Variants in PPP2R2D observed in about 807,000 individuals in gnomAD.
PPP2R2D encodes the protein serine/threonine-protein phosphatase 2A 55 kDa regulatory subunit B delta isoform.
PPP2R2D carries 9 observed loss-of-function variants against 31.1 expected under a neutral mutation model. The ratio of observed to expected loss-of-function variants is 0.29; its 90% CI spans 0.17 to 0.51. The LOEUF (loss-of-function observed/expected upper bound fraction) is 0.51. Among genes scored for constraint, PPP2R2D ranks in the 20% least tolerant of loss-of-function variants. The probability of loss-of-function intolerance (pLI) is 0.98; values close to 1 mark genes in which losing one functional copy is unlikely to be tolerated. For synonymous variants in PPP2R2D, 179 were observed against 172.6 expected, an observed-to-expected ratio of 1.04 and a Z score of -0.29; for missense variants, 391 against 465.6, an observed-to-expected ratio of 0.84 and a Z score of 1.48.
chr10:131,924,935 T>C (rs1388108418), intron 2 of PPP2R2D, among the ~76,000 whole-genome samples: 2 of 152,172 alleles, frequency 1.3e-5, no homozygotes, highest in African/African-American at 4.8e-5. Flanking sequence ...ACAGAGTTGT[T>C]TTCTTGCTTT....
rs571083510 is a variant in PPP2R2D at position 131,935,440 on chromosome 10, C to T, written c.198+885C>T. Among the ~76,000 whole-genome samples, 6 of 152,278 alleles carry T rather than the reference C, an allele frequency of 3.9e-5. No homozygotes were observed. In the South Asian group the frequency reaches 1.2e-3, roughly 32 times the overall value. Reference sequence around the variant, plus strand: ...GAACTTTGGTTTAGAGGTTGGTGGGCCCTGGTTCCCCTCTCTGCAGATCTG... The same window carrying T: ...GAACTTTGGTTTAGAGGTTGGTGGGTCCTGGTTCCCCTCTCTGCAGATCTG... On this transcript the variant is annotated intron_variant, in intron 3 of 8. Transcript: ENST00000455566.
intron 5 of PPP2R2D, among the ~76,000 whole-genome samples, chr10:131,942,234 T>C (rs1554897344): frequency 8.5e-5 from 13 of 152,330 alleles, no homozygotes; most frequent in Admixed American, 7.8e-4. Context: ...TCAGCTCACG[T>C]GCTCATTTTG....
intron 2 of PPP2R2D, among the ~76,000 whole-genome samples, chr10:131,921,686 G>C (rs561227818): frequency 1.3e-5 from 2 of 152,302 alleles, no homozygotes; most frequent in African/African-American, 4.8e-5. Context: ...GCAGTGTGCG[G>C]AGGTGGGCTG....
At chr10:131,964,664 A>ATTTTTTTTTTTTT (rs782297365), downstream of PPP2R2D, among the ~76,000 whole-genome samples, 1 of 126,752 alleles carries the variant, frequency 7.9e-6, no homozygotes, top group African/African-American at 3.1e-5. Context: ...AGAGTTTACT[A>ATTTTTTTTTTTTT]TGTTTTTTTT....
At chr10:131,923,734 G>A (rs1397488608) in intron 2 of PPP2R2D, among the ~76,000 whole-genome samples, 5 of 152,062 alleles carry the variant, frequency 3.3e-5, no homozygotes, top group Middle Eastern at 3.4e-3. Flanking sequence ...TATATTTTTG[G>A]AAAATTACAT....
chr10:131,924,295 T>C (rs1554894632), intron 2 of PPP2R2D, among the ~76,000 whole-genome samples: 1 of 152,152 alleles, frequency 6.6e-6, no homozygotes, highest in African/African-American at 2.4e-5. Flanking sequence ...CTCTGATCCA[T>C]GTTTATATAT....
chr10:131,957,723 TC>T lies in PPP2R2D; in HGVS notation c.*1765del, dbSNP rs1554900337. On this transcript the variant is annotated 3_prime_UTR_variant, in exon 9 of 9. Coordinates refer to ENST00000455566, the MANE Select transcript of PPP2R2D (RefSeq NM_018461.5). ...CTGTGGAGATGAAGGTGTGTGCTGA[TC>T]CCCCATCTCCCTGTGGAGATGAAGG... The T allele has an allele frequency of 1.8e-4, 27 of 149,450 alleles. No individual in the cohort carries two copies. Among genetic ancestry groups the T allele is most frequent in the Non-Finnish European group, 2.5e-4 (18 of 72,102 alleles). 9.3% of individuals were successfully genotyped at this position (149,450 alleles called of 1,614,324 possible). A position where few individuals can be genotyped will look rare whatever the true frequency, so the allele number is the denominator to read the frequency against.
intron 3 of PPP2R2D, among the ~76,000 whole-genome samples, chr10:131,935,587 G>A (rs953363474): frequency 2.5e-4 from 38 of 152,144 alleles, no homozygotes; most frequent in African/African-American, 9.2e-4. Flanking sequence ...ACCTGTTGCA[G>A]CTTTATTTTG....
chr10:131,944,754 T>G (rs1412178054), intron 6 of PPP2R2D, among the ~76,000 whole-genome samples: 1 of 152,250 alleles, frequency 6.6e-6, no homozygotes, highest in African/African-American at 2.4e-5. Flanking sequence ...AGGGTGAAAC[T>G]GGGACTGCTA....
At chr10:131,908,602 CT>C (rs1312664867) in intron 2 of PPP2R2D, among the ~76,000 whole-genome samples, 5 of 152,222 alleles carry the variant, frequency 3.3e-5, no homozygotes, top group Non-Finnish European at 5.9e-5. Context: ...GTACACATCC[CT>C]TTTTCACCCT....
intron 2 of PPP2R2D, among the ~76,000 whole-genome samples, chr10:131,926,284 G>T (rs1554894921): frequency 6.6e-6 from 1 of 152,092 alleles, no homozygotes; most frequent in Non-Finnish European, 1.5e-5. Flanking sequence ...TCTGGTTTTT[G>T]AACAGAATGG....
intron 2 of PPP2R2D, 43 bp from the exon 3 acceptor site, chr10:131,934,415 C>T: frequency 1.3e-6 from 1 of 750,910 alleles, no homozygotes; most frequent in Non-Finnish European, 2.5e-6. Flanking sequence ...TGACTCCTCC[C>T]CAAAACCGCA....
intron 8 of PPP2R2D, among the ~76,000 whole-genome samples, chr10:131,952,434 TAGC>T (rs199558472): frequency 2.2e-4 from 20 of 92,522 alleles, no homozygotes; most frequent in East Asian, 4.2e-4. Context: ...TTCACTGTCT[TAGC>T]AGTGACTTGT....
chr10:131,960,608 T>A (rs2036909648), downstream of PPP2R2D, among the ~76,000 whole-genome samples: 1 of 151,216 alleles, frequency 6.6e-6, no homozygotes, highest in South Asian at 2.1e-4. Context: ...CCCAGTGCCA[T>A]GGGATTGGTG....
At chr10:131,904,966 T>C (rs1181051189) in intron 2 of PPP2R2D, among the ~76,000 whole-genome samples, 1 of 148,342 alleles carries the variant, frequency 6.7e-6, no homozygotes, top group Non-Finnish European at 1.5e-5. Flanking sequence ...CTATGTAAAA[T>C]TTGATGCGCA....
chr10:131,955,594 C>T (rs1554899755), intron 8 of PPP2R2D, 90 bp from the exon 9 acceptor site: 3 of 1,150,840 alleles, frequency 2.6e-6, no homozygotes, highest in Admixed American at 3.4e-5. Context: ...GGGAGGGTGG[C>T]GTGCGCTGTG....
intron 2 of PPP2R2D, among the ~76,000 whole-genome samples, chr10:131,916,727 G>A (rs1468996591): frequency 1.4e-5 from 2 of 147,678 alleles, no homozygotes; most frequent in East Asian, 2.1e-4. Flanking sequence ...TCAGGCAGGC[G>A]GAATGACACA....
intron 2 of PPP2R2D, among the ~76,000 whole-genome samples, chr10:131,923,153 C>T (rs1420969320): frequency 2.6e-5 from 4 of 152,174 alleles, no homozygotes; most frequent in African/African-American, 7.2e-5. Context: ...CCATTCCCTC[C>T]ACCCTCTGCC....
chr10:131,907,610 G>A (rs2035615715), intron 2 of PPP2R2D, among the ~76,000 whole-genome samples: 1 of 152,128 alleles, frequency 6.6e-6, no homozygotes, highest in Admixed American at 6.5e-5. Context: ...GGGTGTGGTC[G>A]CGGGCACCTG....
Sources: gnomAD v4.1 joint callset for allele counts (sites outside exome capture counted in the v4.1 genomes callset) on GRCh38, gnomAD v4.1.1 for gene constraint, MANE v1.5 for transcripts, NCBI Gene and HGNC (gene_info 2026-07-23, HGNC 2026-07-21) for gene names.